The following HPSE2 variants were observed in gnomAD, a reference collection of about 807,000 sequenced individuals.
HPSE2 encodes heparanase 2 (inactive).
In HPSE2, 38 loss-of-function variants were observed where a neutral mutation model predicts 60.5. That is an observed-to-expected ratio of 0.63 (90% confidence interval 0.48 to 0.82). The LOEUF (loss-of-function observed/expected upper bound fraction) is 0.82, where lower values mean the gene tolerates loss of function less well. HPSE2 is among the 40% of genes least tolerant of loss of function. The pLI is 0.00. For missense variants in HPSE2, 713 were observed against 740.4 expected (o/e 0.96, Z 0.43); for synonymous variants, 295 against 293.2 (o/e 1.01, Z -0.06).
rs143636243 is a variant in HPSE2, at chr10:98,974,660, G to C, written c.610+169578C>G. Among the ~76,000 whole-genome samples, 105 of 152,248 alleles carry C rather than the reference G, an allele frequency of 6.9e-4. 1 individual carries two copies. Among genetic ancestry groups the C allele is most frequent in the African/African-American group, 2.5e-3 (102 of 41,540 alleles). On this transcript the variant is annotated intron_variant, in intron 3 of 11. Coordinates refer to ENST00000370552, the MANE Select transcript of HPSE2 (RefSeq NM_021828.5). ...TACCTGGCGTTCCTACAAAAAGATCGTGGAAAATTCTACTTGTATGTTAGG... is the reference window on the plus strand; with the variant it reads ...TACCTGGCGTTCCTACAAAAAGATCCTGGAAAATTCTACTTGTATGTTAGG...
At chr10:98,825,477 G>A (rs1022569645) in intron 3 of HPSE2, among the ~76,000 whole-genome samples, 2 of 152,068 alleles carry the variant, frequency 1.3e-5, no homozygotes, top group Non-Finnish European at 1.5e-5. Flanking sequence ...CTATTCAAGG[G>A]AGGCCTTCCC....
chr10:99,159,267 CAAAG>C, intron 2 of HPSE2, among the ~76,000 whole-genome samples: 1 of 152,054 alleles, frequency 6.6e-6, no homozygotes, highest in South Asian at 2.1e-4. Context: ...GCTAGGATGA[CAAAG>C]AAAGAAGACA....
At chr10:98,813,884 A>G (rs187696694) in intron 3 of HPSE2, among the ~76,000 whole-genome samples, 5 of 152,344 alleles carry the variant, frequency 3.3e-5, no homozygotes, top group Middle Eastern at 3.4e-3. Flanking sequence ...TCAGAGGTAC[A>G]AGATGGTCCT....
At chr10:98,862,540 T>G (rs1274661658) in intron 3 of HPSE2, among the ~76,000 whole-genome samples, 1 of 152,194 alleles carries the variant, frequency 6.6e-6, no homozygotes, top group Non-Finnish European at 1.5e-5. Context: ...AAGGCTATTA[T>G]CAGATTACTA....
chr10:99,284,280 A>G, the HPSE2 span, among the ~76,000 whole-genome samples: 55 of 152,328 alleles, frequency 3.6e-4, no homozygotes, highest in African/African-American at 1.3e-3. Flanking sequence ...AAAGAAAAAA[A>G]CATATAATGA....
At chr10:99,251,605 G>T in the HPSE2 span, among the ~76,000 whole-genome samples, 1 of 37,954 alleles carries the variant, frequency 2.6e-5, no homozygotes, top group East Asian at 1.4e-3. Flanking sequence ...CTAGCAAACC[G>T]AATCCAGCAG....
At position 98,459,009 on chromosome 10, in the gene HPSE2, C is replaced by T. The variant is rs1060445; in HGVS notation, c.*565G>A. ...CTCATACATCAGCCGGGAAATCATA[C>T]AAACAGCTCTCCCAGCAGGCCAGGG... On this transcript the variant is annotated 3_prime_UTR_variant, in exon 12 of 12. Coordinates refer to ENST00000370552, the MANE Select transcript of HPSE2 (RefSeq NM_021828.5). 90,427 of 173,886 alleles carry T rather than the reference C, an allele frequency of 0.52. 24,005 individuals are homozygous for T. The highest frequency in any genetic ancestry group is 0.61 in the African/African-American group (25,915 of 42,196). 10.8% of individuals were successfully genotyped at this position (173,886 alleles called of 1,614,324 possible).
intron 3 of HPSE2, among the ~76,000 whole-genome samples, chr10:98,964,051 A>G (rs1299277417): frequency 6.6e-6 from 1 of 152,182 alleles, no homozygotes; most frequent in Non-Finnish European, 1.5e-5. Flanking sequence ...GAGCACGTCT[A>G]TTACTATATG....
chr10:98,863,146 G>A (rs1053005673), intron 3 of HPSE2, among the ~76,000 whole-genome samples: 7 of 152,084 alleles, frequency 4.6e-5, no homozygotes, highest in South Asian at 4.2e-4. Flanking sequence ...GAGAAGAAAA[G>A]GGGTAAATTT....
intron 3 of HPSE2, among the ~76,000 whole-genome samples, chr10:99,104,312 C>A (rs989484184): frequency 1.3e-4 from 19 of 151,982 alleles, no homozygotes; most frequent in Admixed American, 1.2e-3. Flanking sequence ...ACCCCATCAA[C>A]AAGTGGGTGA....
At chr10:98,508,352 A>C (rs1021764882) in intron 9 of HPSE2, among the ~76,000 whole-genome samples, 1 of 152,354 alleles carries the variant, frequency 6.6e-6, no homozygotes, top group East Asian at 1.9e-4. Context: ...AGGAAAAGAG[A>C]AACTGACAGA....
intron 9 of HPSE2, among the ~76,000 whole-genome samples, chr10:98,597,041 C>T (rs987970699): frequency 6.6e-5 from 10 of 151,980 alleles, no homozygotes; most frequent in African/African-American, 2.4e-4. Context: ...AGGAGAAGTG[C>T]CAAGCAAAAG....
At chr10:98,680,301 T>G (rs751344154) in intron 6 of HPSE2, among the ~76,000 whole-genome samples, 5 of 151,960 alleles carry the variant, frequency 3.3e-5, no homozygotes, top group Admixed American at 6.6e-5. Context: ...ATAGACATAG[T>G]TTTTTTTTCT....
chr10:99,217,144 T>C (rs1849155775), intron 2 of HPSE2, among the ~76,000 whole-genome samples: 1 of 151,728 alleles, frequency 6.6e-6, no homozygotes, highest in African/African-American at 2.4e-5. Context: ...ATGTTGTTTC[T>C]GCCTTTCGGT....
chr10:98,996,894 T>C (rs1163803280), intron 3 of HPSE2, among the ~76,000 whole-genome samples: 1 of 152,076 alleles, frequency 6.6e-6, no homozygotes, highest in Non-Finnish European at 1.5e-5. Flanking sequence ...GGAAGGAGCA[T>C]AAGGAAACTC....
chr10:98,610,195 G>C (rs966157116), intron 9 of HPSE2, among the ~76,000 whole-genome samples: 1 of 152,016 alleles, frequency 6.6e-6, no homozygotes, highest in East Asian at 1.9e-4. Flanking sequence ...TTTGTAACTG[G>C]GTGTCCTTGC....
At chr10:99,235,898 T>C (rs12785081), upstream of HPSE2, 5 of 995,364 alleles carry the variant, frequency 5.0e-6, no homozygotes, top group Non-Finnish European at 7.7e-6. Context: ...TTTTCCCCCC[T>C]TTTTTTCCCT....
At chr10:98,545,003 C>T (rs1943617577) in intron 9 of HPSE2, among the ~76,000 whole-genome samples, 1 of 151,950 alleles carries the variant, frequency 6.6e-6, no homozygotes, top group African/African-American at 2.4e-5. Flanking sequence ...ATACAAACTA[C>T]CATCAGAGAA....
chr10:98,925,319 T>C (rs1197019477), intron 3 of HPSE2, among the ~76,000 whole-genome samples: 1 of 152,084 alleles, frequency 6.6e-6, no homozygotes, highest in African/African-American at 2.4e-5. Flanking sequence ...CCAACCATCT[T>C]GCTCCACCTC....
Sources: gnomAD v4.1 joint callset for allele counts (sites outside exome capture counted in the v4.1 genomes callset) on GRCh38, gnomAD v4.1.1 for gene constraint, MANE v1.5 for transcripts, NCBI Gene and HGNC (gene_info 2026-07-23, HGNC 2026-07-21) for gene names.